Variants in ASPRV1 observed in about 807,000 individuals in gnomAD.
ASPRV1 encodes the protein aspartic peptidase retroviral like 1, also known as retroviral-like aspartic protease 1.
ASPRV1 carries 7 observed loss-of-function variants against 11.0 expected under a neutral mutation model. The ratio of observed to expected loss-of-function variants is 0.64; its 90% CI spans 0.36 to 1.20. ASPRV1 has a LOEUF of 1.20. Ranked by LOEUF, ASPRV1 falls within the 50% of genes most tolerant of loss-of-function variation. The pLI, the probability that ASPRV1 is intolerant of heterozygous loss-of-function variation, is 0.02. For missense variants in ASPRV1, 299 were observed against 320.0 expected (o/e 0.93, Z 0.50); for synonymous variants, 136 against 138.4 (o/e 0.98, Z 0.12).
At chr2:70,059,244 C>A in the ASPRV1 span, among the ~76,000 whole-genome samples, 1 of 147,698 alleles carries the variant, frequency 6.8e-6, no homozygotes, top group African/African-American at 2.5e-5. Flanking sequence ...TCTCAGTCTG[C>A]TGATTGGTTT....
At chr2:70,007,389 C>A in the ASPRV1 span, among the ~76,000 whole-genome samples, 1 of 152,058 alleles carries the variant, frequency 6.6e-6, no homozygotes, top group Admixed American at 6.5e-5. Context: ...GGCGTGTTGG[C>A]GCATGCCTGT....
chr2:69,948,076 C>G, the ASPRV1 span, among the ~76,000 whole-genome samples: 1 of 140,232 alleles, frequency 7.1e-6, no homozygotes, highest in Admixed American at 7.6e-5. Context: ...AGGGAGACCC[C>G]GTCTCTCAAA....
the ASPRV1 span, among the ~76,000 whole-genome samples, chr2:69,953,533 G>A: frequency 6.6e-6 from 1 of 152,192 alleles, no homozygotes; most frequent in Non-Finnish European, 1.5e-5. Flanking sequence ...GACTGCGACT[G>A]GGCAGTTACG....
chr2:70,013,099 AT>A, the ASPRV1 span, among the ~76,000 whole-genome samples: 1 of 152,260 alleles, frequency 6.6e-6, no homozygotes, highest in Admixed American at 6.5e-5. Flanking sequence ...TTTTGATATT[AT>A]AGACTGAAAT....
the ASPRV1 span, among the ~76,000 whole-genome samples, chr2:69,948,062 A>G: frequency 2.0e-5 from 3 of 150,104 alleles, no homozygotes; most frequent in Non-Finnish European, 4.4e-5. Context: ...AGCCAGAGAG[A>G]CAGAGGGAGA....
chr2:69,936,817 A>G, the ASPRV1 span, among the ~76,000 whole-genome samples: 1 of 152,226 alleles, frequency 6.6e-6, no homozygotes. Flanking sequence ...ATGTACTTGA[A>G]TAAACATAGT....
At chr2:70,044,335 T>C in the ASPRV1 span, among the ~76,000 whole-genome samples, 1 of 152,214 alleles carries the variant, frequency 6.6e-6, no homozygotes, top group Non-Finnish European at 1.5e-5. Flanking sequence ...CAGCTCTTTT[T>C]ATTCCATCAC....
the ASPRV1 span, chr2:70,015,622 C>T: frequency 6.6e-6 from 1 of 152,104 alleles, no homozygotes; most frequent in Non-Finnish European, 1.5e-5. Flanking sequence ...ATACATAAGG[C>T]AAATATCAAT....
chr2:69,946,534 C>T, the ASPRV1 span, among the ~76,000 whole-genome samples: 2 of 152,188 alleles, frequency 1.3e-5, no homozygotes, highest in Non-Finnish European at 2.9e-5. Context: ...ATGCAGAAAG[C>T]ATTCAGTACA....
the ASPRV1 span, chr2:70,000,433 C>T: frequency 1.3e-5 from 2 of 150,368 alleles, no homozygotes; most frequent in Non-Finnish European, 3.0e-5. Flanking sequence ...TAATATACCA[C>T]ACTAAATAAT....
chr2:70,043,088 A>G, the ASPRV1 span, among the ~76,000 whole-genome samples: 1 of 152,162 alleles, frequency 6.6e-6, no homozygotes, highest in Non-Finnish European at 1.5e-5. Flanking sequence ...CAGTTAGAGA[A>G]CACTGGTGAA....
At chr2:69,983,045 A>C in the ASPRV1 span, among the ~76,000 whole-genome samples, 2 of 152,060 alleles carry the variant, frequency 1.3e-5, no homozygotes, top group African/African-American at 4.8e-5. Context: ...CAGCCTCCCG[A>C]GTAGCTGGGA....
the ASPRV1 span, among the ~76,000 whole-genome samples, chr2:70,073,997 G>C: frequency 3.3e-5 from 5 of 151,534 alleles, no homozygotes; most frequent in African/African-American, 1.2e-4. Flanking sequence ...AGCCGGGCAT[G>C]GTGGCGGGCG....
At chr2:69,938,226 G>T in the ASPRV1 span, 1 of 1,614,204 alleles carries the variant, frequency 6.2e-7, no homozygotes, top group Non-Finnish European at 8.5e-7. Context: ...GGCTATTCCA[G>T]CACCAGCATC....
chr2:69,947,461 C>T, the ASPRV1 span, among the ~76,000 whole-genome samples: 5 of 152,196 alleles, frequency 3.3e-5, no homozygotes, highest in African/African-American at 9.6e-5. Flanking sequence ...GCCAAATTCA[C>T]ACTTCACCTT....
chr2:70,056,903 T>G, the ASPRV1 span, among the ~76,000 whole-genome samples: 1 of 151,762 alleles, frequency 6.6e-6, no homozygotes, highest in African/African-American at 2.4e-5. Flanking sequence ...CCCAGCTAAT[T>G]TTTTTGTATT....
chr2:69,964,340 A>T (rs375835266), upstream of ASPRV1: 16 of 455,842 alleles, frequency 3.5e-5, no homozygotes, highest in African/African-American at 6.0e-5. Flanking sequence ...GACCTCCACA[A>T]CAGAAACACG....
the ASPRV1 span, among the ~76,000 whole-genome samples, chr2:70,045,042 A>G: frequency 6.6e-6 from 1 of 152,182 alleles, no homozygotes; most frequent in Non-Finnish European, 1.5e-5. Context: ...TTTCCCACAT[A>G]TGTTGCTGCA....
chr2:70,024,254 G>A, the ASPRV1 span, among the ~76,000 whole-genome samples: 4 of 152,154 alleles, frequency 2.6e-5, no homozygotes, highest in South Asian at 6.2e-4. Flanking sequence ...ATGAGAAGGA[G>A]AATAGTTTGG....
Sources: gnomAD v4.1 joint callset for allele counts (sites outside exome capture counted in the v4.1 genomes callset) on GRCh38, gnomAD v4.1.1 for gene constraint, MANE v1.5 for transcripts, NCBI Gene and HGNC (gene_info 2026-07-23, HGNC 2026-07-21) for gene names.